PDE3B: variants seen among roughly 807,000 people sequenced by gnomAD.
PDE3B encodes cGMP-inhibited 3',5'-cyclic phosphodiesterase 3B.
In PDE3B, 66 loss-of-function variants were observed where a neutral mutation model predicts 116.8. The ratio of observed to expected loss-of-function variants is 0.56; its 90% CI spans 0.46 to 0.69. The LOEUF is 0.69. Among genes scored for constraint, PDE3B ranks in the 30% least tolerant of loss-of-function variants. The pLI is 0.00. For synonymous variants in PDE3B, 595 were observed against 533.6 expected (o/e 1.12, Z -1.59); for missense variants, 1,384 against 1,368.1 (o/e 1.01, Z -0.18).
chr11:14,889,079 T>C, the PDE3B span, among the ~76,000 whole-genome samples: 1 of 152,018 alleles, frequency 6.6e-6, no homozygotes. Context: ...CTTTCAAGAA[T>C]CACAAAGCAG....
intron 1 of PDE3B, among the ~76,000 whole-genome samples, chr11:14,721,494 A>G (rs1430953436): frequency 6.6e-6 from 1 of 151,760 alleles, no homozygotes; most frequent in Non-Finnish European, 1.5e-5. Context: ...TTGTGGCATT[A>G]TTCACAATAG....
rs868725115 is a variant in PDE3B, at chr11:14,800,181, C to T, written c.1416-3763C>T. On this transcript the variant is annotated intron_variant, in intron 4 of 15. Coordinates refer to ENST00000282096, the MANE Select transcript of PDE3B (RefSeq NM_000922.4). ...TGTAAAGTATTTTATTTCTCCTTCA[C>T]TTATGAAGCTTAGTTTGGCTGGATA... is the stretch of plus-strand genomic sequence containing the variant. Among the ~76,000 whole-genome samples the T allele has an allele frequency of 2.0e-5, 3 of 152,148 alleles. No individual in the cohort carries two copies. The South Asian group carries it at 6.2e-4, about 31-fold the overall frequency.
At chr11:14,801,405 G>A (rs1327017651) in intron 4 of PDE3B, among the ~76,000 whole-genome samples, 1 of 152,214 alleles carries the variant, frequency 6.6e-6, no homozygotes, top group African/African-American at 2.4e-5. Flanking sequence ...CTTCCGGTCT[G>A]CTGCAGTTTG....
At chr11:14,847,043 T>C in intron 12 of PDE3B, among the ~76,000 whole-genome samples, 1 of 152,190 alleles carries the variant, frequency 6.6e-6, no homozygotes, top group Non-Finnish European at 1.5e-5. Context: ...ATACATTTTT[T>C]TCAGCACCAG....
chr11:14,800,030 T>A (rs1158791374), intron 4 of PDE3B, among the ~76,000 whole-genome samples: 2 of 152,204 alleles, frequency 1.3e-5, no homozygotes, highest in African/African-American at 2.4e-5. Context: ...GTGTTGATGG[T>A]CTTTACAATT....
intron 1 of PDE3B, among the ~76,000 whole-genome samples, chr11:14,710,798 C>G (rs949603074): frequency 1.3e-4 from 20 of 152,180 alleles, no homozygotes; most frequent in Admixed American, 3.3e-4. Flanking sequence ...CAGAGATATG[C>G]CAGTCTCCTT....
chr11:14,694,352 C>T (rs1167736815), intron 1 of PDE3B, among the ~76,000 whole-genome samples: 1 of 152,136 alleles, frequency 6.6e-6, no homozygotes, highest in Non-Finnish European at 1.5e-5. Flanking sequence ...CAGAGAAGTT[C>T]TTCCCGAAAG....
intron 1 of PDE3B, among the ~76,000 whole-genome samples, chr11:14,761,752 T>C (rs1857365216): frequency 6.6e-6 from 1 of 152,124 alleles, no homozygotes; most frequent in Non-Finnish European, 1.5e-5. Context: ...TAATCACAAT[T>C]ACCATGACAA....
chr11:14,822,696 T>C (rs1371435185), intron 7 of PDE3B, among the ~76,000 whole-genome samples: 6 of 152,226 alleles, frequency 3.9e-5, no homozygotes, highest in African/African-American at 9.6e-5. Flanking sequence ...CCCCAGGAGC[T>C]ATAGATACTT....
At position 14,644,842 on chromosome 11, in the gene PDE3B, G is replaced by T. The variant is rs756643840; in HGVS notation, c.767G>T (p.Gly256Val). Residue 256 changes from glycine (G) to valine (V), a missense_variant, in exon 1 of 16, where the codon GGC becomes GTC. Coordinates refer to ENST00000282096, the MANE Select transcript of PDE3B (RefSeq NM_000922.4). Reference protein sequence around the residue: ...PLLSGLVGGAGCLLALGLDHF... With the variant: ...PLLSGLVGGAVCLLALGLDHF... The stretch of plus-strand genomic sequence containing the variant: ...CTCTCCGGCCTGGTGGGGGGCGCTG[G>T]CTGCCTGCTGGCCCTGGGGTTGGAT... The T allele has an allele frequency of 1.9e-6, 3 of 1,612,290 alleles. No individual in the cohort carries two copies. Among genetic ancestry groups the T allele is most frequent in the Non-Finnish European group, 2.5e-6 (3 of 1,179,100 alleles).
chr11:14,721,244 G>A (rs1856064799), intron 1 of PDE3B, among the ~76,000 whole-genome samples: 1 of 152,202 alleles, frequency 6.6e-6, no homozygotes, highest in African/African-American at 2.4e-5. Context: ...ACACCAGTTA[G>A]AATGGCAATC....
At chr11:14,718,544 A>G (rs1482020640) in intron 1 of PDE3B, among the ~76,000 whole-genome samples, 2 of 149,856 alleles carry the variant, frequency 1.3e-5, no homozygotes, top group African/African-American at 2.4e-5. Flanking sequence ...CAGCAAATGT[A>G]AAAGAACAGA....
chr11:14,806,027 CT>C, intron 5 of PDE3B, among the ~76,000 whole-genome samples: 1 of 152,314 alleles, frequency 6.6e-6, no homozygotes, highest in East Asian at 1.9e-4. Flanking sequence ...AATAGGAAGG[CT>C]TTTACACAGT....
chr11:14,811,821 C>T (rs1859141498), intron 5 of PDE3B, among the ~76,000 whole-genome samples: 3 of 152,092 alleles, frequency 2.0e-5, no homozygotes, highest in Admixed American at 2.0e-4. Flanking sequence ...TTTCCTTGAG[C>T]AGTGGTTTGT....
chr11:14,879,264 T>G, the PDE3B span: 8 of 1,613,342 alleles, frequency 5.0e-6, no homozygotes, highest in South Asian at 8.8e-5. Context: ...CCTTTAGGAA[T>G]GGAATAACCA....
intron 4 of PDE3B, among the ~76,000 whole-genome samples, chr11:14,800,735 A>G (rs938654828): frequency 1.3e-5 from 2 of 152,134 alleles, no homozygotes; most frequent in African/African-American, 4.8e-5. Flanking sequence ...CTCTTGGATA[A>G]TATCCTGAAG....
intron 1 of PDE3B, among the ~76,000 whole-genome samples, chr11:14,650,974 T>C (rs1311022882): frequency 2.0e-5 from 3 of 151,832 alleles, no homozygotes; most frequent in Non-Finnish European, 1.5e-5. Context: ...TGCCTTTGAA[T>C]TTGCGATAAT....
chr11:14,676,964 A>G (rs1485845933), intron 1 of PDE3B, among the ~76,000 whole-genome samples: 2 of 152,088 alleles, frequency 1.3e-5, no homozygotes, highest in African/African-American at 4.8e-5. Flanking sequence ...TCTAACTTGA[A>G]GTAATTTTTT....
intron 1 of PDE3B, among the ~76,000 whole-genome samples, chr11:14,746,852 A>G (rs1193039010): frequency 1.3e-5 from 2 of 152,216 alleles, no homozygotes; most frequent in Non-Finnish European, 2.9e-5. Context: ...AATTATGTAG[A>G]ATTTCATTTC....
Sources: gnomAD v4.1 joint callset for allele counts (sites outside exome capture counted in the v4.1 genomes callset) on GRCh38, gnomAD v4.1.1 for gene constraint, MANE v1.5 for transcripts, NCBI Gene and HGNC (gene_info 2026-07-23, HGNC 2026-07-21) for gene names.